NTRK2: variants seen among roughly 807,000 people sequenced by gnomAD.
The protein encoded by NTRK2 is neurotrophic receptor tyrosine kinase 2.
NTRK2 carries 13 observed loss-of-function variants against 94.5 expected under a neutral mutation model. That is an observed-to-expected ratio of 0.14 (90% CI 0.09 to 0.22). The LOEUF (loss-of-function observed/expected upper bound fraction) is 0.22, where lower values mean the gene tolerates loss of function less well. NTRK2 is among the 10% of genes least tolerant of loss of function. The pLI, the probability that NTRK2 is intolerant of heterozygous loss-of-function variation, is 1.00. For synonymous variants in NTRK2, 372 were observed against 407.4 expected (o/e 0.91, Z 1.05); for missense variants, 639 against 1,071.2 (o/e 0.60, Z 5.63).
chr9:84,716,102 A>G (rs965744682), intron 6 of NTRK2, among the ~76,000 whole-genome samples: 1 of 152,186 alleles, frequency 6.6e-6, no homozygotes, highest in Non-Finnish European at 1.5e-5. Flanking sequence ...TAATAGTCCC[A>G]CAGTGAATAT....
At chr9:84,993,857 C>T (rs1230166767) in intron 17 of NTRK2, among the ~76,000 whole-genome samples, 1 of 152,072 alleles carries the variant, frequency 6.6e-6, no homozygotes, top group Non-Finnish European at 1.5e-5. Context: ...GATGATTTTT[C>T]CTCCTCCCTT....
At chr9:84,888,518 C>T (rs1372462730) in intron 14 of NTRK2, among the ~76,000 whole-genome samples, 2 of 143,342 alleles carry the variant, frequency 1.4e-5, no homozygotes, top group Non-Finnish European at 3.0e-5. Context: ...GAGGCTGAGG[C>T]AGGAGAATCG....
At chr9:84,971,906 A>T (rs1287939533) in intron 17 of NTRK2, among the ~76,000 whole-genome samples, 2 of 152,160 alleles carry the variant, frequency 1.3e-5, no homozygotes, top group Non-Finnish European at 2.9e-5. Flanking sequence ...CAAGGATGTG[A>T]GATAGATTTC....
At chr9:84,706,915 G>A (rs928200119) in intron 4 of NTRK2, among the ~76,000 whole-genome samples, 10 of 152,152 alleles carry the variant, frequency 6.6e-5, no homozygotes, top group African/African-American at 1.9e-4. Context: ...GACTTCCTCC[G>A]GTTTGTAGAG....
chr9:84,740,273 C>T (rs970295240), intron 9 of NTRK2, among the ~76,000 whole-genome samples: 8 of 152,222 alleles, frequency 5.3e-5, no homozygotes, highest in African/African-American at 1.7e-4. Context: ...CTGCTTTATT[C>T]ATTGAGTTAG....
At chr9:84,865,630 A>G (rs1261093545) in intron 13 of NTRK2, among the ~76,000 whole-genome samples, 1 of 152,194 alleles carries the variant, frequency 6.6e-6, no homozygotes, top group Non-Finnish European at 1.5e-5. Flanking sequence ...TGCATTTAGT[A>G]GGGGGGGTTG....
intron 12 of NTRK2, among the ~76,000 whole-genome samples, chr9:84,829,929 A>G (rs942123378): frequency 6.6e-6 from 1 of 152,194 alleles, no homozygotes; most frequent in African/African-American, 2.4e-5. Flanking sequence ...TCAATGAGGG[A>G]AAAACACTAG....
chr9:84,927,068 A>T (rs2077847662), intron 14 of NTRK2, among the ~76,000 whole-genome samples: 1 of 152,228 alleles, frequency 6.6e-6, no homozygotes. Flanking sequence ...TTCCTTTGAA[A>T]ACAAACTGTC....
intron 8 of NTRK2, 104 bp from the exon 9 acceptor site, chr9:84,727,550 C>A (rs2062553553): frequency 6.9e-6 from 8 of 1,153,812 alleles, no homozygotes; most frequent in Admixed American, 2.0e-5. Flanking sequence ...TTTTTCTAAG[C>A]CAAACAATGG....
intron 17 of NTRK2, among the ~76,000 whole-genome samples, chr9:84,990,046 AC>A (rs1317668661): frequency 1.3e-5 from 2 of 152,226 alleles, no homozygotes; most frequent in Non-Finnish European, 2.9e-5. Flanking sequence ...CTCAGGCAGC[AC>A]AGACGTTATC....
chr9:84,994,426 G>A (rs983405142), intron 17 of NTRK2, among the ~76,000 whole-genome samples: 5 of 152,154 alleles, frequency 3.3e-5, no homozygotes, highest in South Asian at 2.1e-4. Context: ...CCATAAAAAC[G>A]AAAGTGCAAG....
intron 12 of NTRK2, among the ~76,000 whole-genome samples, chr9:84,840,309 T>C (rs903001728): frequency 6.6e-6 from 1 of 151,160 alleles, no homozygotes; most frequent in African/African-American, 2.4e-5. Context: ...CACTCTGCTC[T>C]TGTCTTCGCT....
chr9:84,707,987 G>A, intron 5 of NTRK2, 75 bp downstream of exon 5: 1 of 1,149,880 alleles, frequency 8.7e-7, no homozygotes, highest in Non-Finnish European at 1.3e-6. Context: ...TTCTTTTAAT[G>A]AGTGATGTTG....
intron 17 of NTRK2, among the ~76,000 whole-genome samples, chr9:84,986,800 A>G (rs1172266275): frequency 6.6e-6 from 1 of 152,264 alleles, no homozygotes; most frequent in Admixed American, 6.5e-5. Context: ...GCCTTTGCCC[A>G]TAATTGGGGA....
chr9:84,733,215 G>C (rs1200752869), intron 9 of NTRK2, among the ~76,000 whole-genome samples: 1 of 152,156 alleles, frequency 6.6e-6, no homozygotes, highest in Non-Finnish European at 1.5e-5. Flanking sequence ...CTTCCCTAAA[G>C]AAACTTCTTT....
At chr9:84,852,166 G>A (rs927077764) in intron 12 of NTRK2, among the ~76,000 whole-genome samples, 5 of 152,134 alleles carry the variant, frequency 3.3e-5, no homozygotes, top group African/African-American at 4.8e-5. Flanking sequence ...CAGACTCTGC[G>A]GACTTGTTAG....
upstream of NTRK2, among the ~76,000 whole-genome samples, chr9:84,669,098 C>T (rs1263134747): frequency 6.6e-6 from 1 of 152,138 alleles, no homozygotes; most frequent in Non-Finnish European, 1.5e-5. The surrounding 1 kb of genome is among the most constrained non-coding windows in gnomAD (Gnocchi z 4.1). Flanking sequence ...CAGGAAGCCC[C>T]TCCAAAACCA....
At chr9:84,671,738 G>T (rs551231207) in intron 2 of NTRK2, among the ~76,000 whole-genome samples, 21 of 152,232 alleles carry the variant, frequency 1.4e-4, no homozygotes, top group Non-Finnish European at 2.8e-4. Context: ...ATGAAGGCTG[G>T]CTTTAGCATT....
rs1329830461 is a variant in NTRK2 at position 84,935,720 on chromosome 9, GA to G, written c.1764+1429del. Among the ~76,000 whole-genome samples, 11 of 152,286 alleles carry G rather than the reference GA, an allele frequency of 7.2e-5. No homozygotes were observed. In the East Asian group the frequency reaches 2.1e-3, roughly 29 times the overall value. ...GTGAGAATCTTGTAGTCATTATGGA[GA>G]TGTTTAATTCTTGCTTTTGCTATTA... On this transcript the variant is annotated intron_variant, in intron 15 of 18. Transcript: ENST00000277120.
Sources: gnomAD v4.1 joint callset for allele counts (sites outside exome capture counted in the v4.1 genomes callset) on GRCh38, gnomAD v4.1.1 for gene constraint, Gnocchi (gnomAD v3.1) non-coding constraint, MANE v1.5 for transcripts, NCBI Gene and HGNC (gene_info 2026-07-23, HGNC 2026-07-21) for gene names.